The following PPP1R17 variants were observed in gnomAD, a reference collection of about 807,000 sequenced individuals.
The protein encoded by PPP1R17 is protein phosphatase 1 regulatory subunit 17.
A neutral mutation model predicts 15.9 loss-of-function variants in PPP1R17; 12 were observed. That is an observed-to-expected ratio of 0.75 (90% CI 0.48 to 1.22). The LOEUF (loss-of-function observed/expected upper bound fraction) is 1.22. Ranked by LOEUF, PPP1R17 falls within the 50% of genes most tolerant of loss-of-function variation. The pLI is 0.00. For missense variants in PPP1R17, 211 were observed against 187.3 expected (o/e 1.13, Z -0.74); for synonymous variants, 63 against 64.5 (o/e 0.98, Z 0.11).
intron 1 of PPP1R17, among the ~76,000 whole-genome samples, chr7:31,691,870 G>A (rs1273710309): frequency 6.7e-6 from 1 of 149,100 alleles, no homozygotes; most frequent in Non-Finnish European, 1.5e-5. Context: ...CGGGTTCAAA[G>A]GATTCATTTT....
At chr7:31,693,037 G>A (rs1324631491) in intron 2 of PPP1R17, among the ~76,000 whole-genome samples, 1 of 151,974 alleles carries the variant, frequency 6.6e-6, no homozygotes, top group East Asian at 1.9e-4. Context: ...AAACATTTCT[G>A]CCGCTACCCA....
At chr7:31,688,975 T>G (rs1333155778) in intron 1 of PPP1R17, among the ~76,000 whole-genome samples, 1 of 152,210 alleles carries the variant, frequency 6.6e-6, no homozygotes, top group Non-Finnish European at 1.5e-5. Flanking sequence ...CCTGAAAGAA[T>G]GTGAATTTTT....
intron 2 of PPP1R17, among the ~76,000 whole-genome samples, chr7:31,694,538 G>A (rs997318161): frequency 2.6e-5 from 4 of 152,138 alleles, no homozygotes; most frequent in African/African-American, 9.7e-5. Flanking sequence ...AGATCAGCTT[G>A]ACTCCATTTA....
rs1266962493 is a variant in PPP1R17 at position 31,707,988 on chromosome 7, T to C, written c.*705T>C. On this transcript the variant is annotated 3_prime_UTR_variant, in exon 5 of 5. Coordinates refer to ENST00000342032, the MANE Select transcript of PPP1R17 (RefSeq NM_006658.5). ...TTTTAAAAATATTTCTTAAACATGC[T>C]GTCCCAACATTTGTGAGTTGTGTCA... is the stretch of plus-strand genomic sequence containing the variant. The C allele has an allele frequency of 6.6e-6, 1 of 152,250 alleles. No individual in the cohort carries two copies. The highest frequency in any genetic ancestry group is 2.4e-5 in the African/African-American group (1 of 41,474). 9.4% of individuals were successfully genotyped at this position (152,250 alleles called of 1,614,324 possible). A position where few individuals can be genotyped will look rare whatever the true frequency, so the allele number is the denominator to read the frequency against.
chr7:31,692,619 C>T (rs1792406233), intron 2 of PPP1R17, 96 bp downstream of exon 2: 1 of 1,155,124 alleles, frequency 8.7e-7, no homozygotes, highest in African/African-American at 1.5e-5. Flanking sequence ...GAGGGCACCC[C>T]CCGAAACCTG....
At chr7:31,687,710 T>A (rs532170144) in intron 1 of PPP1R17, among the ~76,000 whole-genome samples, 67 of 152,280 alleles carry the variant, frequency 4.4e-4, no homozygotes, top group Middle Eastern at 3.4e-3. Flanking sequence ...AATGAACAAA[T>A]CTGATTTTAA....
intron 4 of PPP1R17, 51 bp downstream of exon 4, chr7:31,697,168 GAACCTT>G (rs1210334393): frequency 1.9e-6 from 3 of 1,593,654 alleles, no homozygotes; most frequent in Non-Finnish European, 2.6e-6. Flanking sequence ...GACAGGTCAA[GAACCTT>G]ACCATCTGGA....
At position 31,707,251 on chromosome 7, in the gene PPP1R17, G is replaced by T. The variant is rs746579484; in HGVS notation, c.436G>T (p.Asp146Tyr). 2.5e-5 allele frequency: 40 copies of T among 1,613,922 alleles called. No individual in the cohort carries two copies. Among genetic ancestry groups the T allele is most frequent in the Non-Finnish European group, 3.2e-5 (38 of 1,179,950 alleles). Residue 146 changes from aspartate to tyrosine, a missense_variant, in exon 5 of 5, where the codon GAC (aspartate) becomes TAC (tyrosine). Transcript: ENST00000342032. ...GAGACCCAAAGCAATCGTGGAAGAT[G>T]ACGAAAAGGATGGTGACAAGATAGC... is the stretch of plus-strand genomic sequence containing the variant. Reference protein sequence around the residue: ...DERPKAIVEDDEKDGDKIAI With the variant: ...DERPKAIVEDYEKDGDKIAI
intron 4 of PPP1R17, among the ~76,000 whole-genome samples, chr7:31,705,744 G>GC (rs550748737): frequency 4.2e-4 from 64 of 151,882 alleles, no homozygotes; most frequent in African/African-American, 1.5e-3. Flanking sequence ...GGACTGGAAG[G>GC]CGTCTCATTA....
chr7:31,707,647 G>T lies in PPP1R17; in HGVS notation c.*364G>T. The T allele has an allele frequency of 4.8e-6, 1 of 206,310 alleles. No individual in the cohort carries two copies. Among genetic ancestry groups the T allele is most frequent in the Non-Finnish European group, 9.8e-6 (1 of 102,506 alleles). The allele number at this position is 206,310 out of a possible 1,614,324, so 12.8% of individuals were successfully genotyped here. ...GGGCTCCTTCTTGGTTTTTGCTGCT[G>T]GGCAGGACTTGACTTAGCATTATCC... On this transcript the variant is annotated 3_prime_UTR_variant, in exon 5 of 5. Transcript: ENST00000342032.
At chr7:31,703,912 CTTG>C (rs1373689535) in intron 4 of PPP1R17, among the ~76,000 whole-genome samples, 1 of 152,208 alleles carries the variant, frequency 6.6e-6, no homozygotes, top group African/African-American at 2.4e-5. Context: ...CAGACCCAGG[CTTG>C]CTCCCAGCTT....
Position 31,708,235 on chromosome 7 carries a change from GA to G in PPP1R17, c.*954del. On this transcript the variant is annotated 3_prime_UTR_variant, in exon 5 of 5. Coordinates refer to ENST00000342032, the MANE Select transcript of PPP1R17 (RefSeq NM_006658.5). Reference sequence around the variant, plus strand: ...GCCTGCAATCTGTGGATGCCCAGGGGAAGGCATACAGGCCTCATCCACCAGG... The same window carrying G: ...GCCTGCAATCTGTGGATGCCCAGGGGAGGCATACAGGCCTCATCCACCAGG... 1 of 152,318 alleles carries G rather than the reference GA, an allele frequency of 6.6e-6. No homozygotes were observed. Among genetic ancestry groups the G allele is most frequent in the African/African-American group, 2.4e-5 (1 of 41,572 alleles). The allele number at this position is 152,318 out of a possible 1,614,324, so 9.4% of individuals were successfully genotyped here.
chr7:31,706,262 C>A (rs1016519210), intron 4 of PPP1R17, among the ~76,000 whole-genome samples: 3 of 151,934 alleles, frequency 2.0e-5, no homozygotes, highest in African/African-American at 4.8e-5. Flanking sequence ...ACCTTGGCCT[C>A]TCAAGGTGCT....
chr7:31,700,161 T>C (rs1298194401), intron 4 of PPP1R17, among the ~76,000 whole-genome samples: 2 of 152,194 alleles, frequency 1.3e-5, no homozygotes, highest in South Asian at 2.1e-4. Context: ...ATTAGGTCTC[T>C]TGTACCAACG....
intron 1 of PPP1R17, among the ~76,000 whole-genome samples, chr7:31,691,505 T>C (rs1792340380): frequency 1.3e-5 from 2 of 152,144 alleles, no homozygotes; most frequent in South Asian, 4.1e-4. Flanking sequence ...GAAGATTTTC[T>C]ATAAATCTCA....
intron 1 of PPP1R17, among the ~76,000 whole-genome samples, chr7:31,692,021 A>G (rs1293903047): frequency 6.6e-6 from 1 of 152,162 alleles, no homozygotes; most frequent in Non-Finnish European, 1.5e-5. Flanking sequence ...ACATAATCCT[A>G]CTTTGCAGAA....
intron 4 of PPP1R17, among the ~76,000 whole-genome samples, chr7:31,699,828 G>A (rs760430863): frequency 2.0e-5 from 3 of 151,804 alleles, no homozygotes; most frequent in Non-Finnish European, 4.4e-5. Context: ...GGTGATCTGT[G>A]ATCAGTGATG....
intron 4 of PPP1R17, among the ~76,000 whole-genome samples, chr7:31,700,700 CTT>C (rs1792811089): frequency 6.6e-6 from 1 of 152,122 alleles, no homozygotes; most frequent in Non-Finnish European, 1.5e-5. Flanking sequence ...GGCCAACTCT[CTT>C]GTTAGGGGAT....
At chr7:31,694,080 G>A (rs1792468483) in intron 2 of PPP1R17, among the ~76,000 whole-genome samples, 1 of 152,174 alleles carries the variant, frequency 6.6e-6, no homozygotes, top group African/African-American at 2.4e-5. Context: ...TGCTGCTGAA[G>A]AGTTAAAAGA....
Sources: allele counts gnomAD v4.1 joint callset (sites outside exome capture counted in the v4.1 genomes callset), GRCh38; gene constraint gnomAD v4.1.1; transcripts MANE v1.5; gene names NCBI Gene and HGNC (gene_info 2026-07-23, HGNC 2026-07-21).